WRN: variants seen among roughly 807,000 people sequenced by gnomAD.
The protein encoded by WRN is bifunctional 3'-5' exonuclease/ATP-dependent helicase WRN.
A neutral mutation model predicts 180.7 loss-of-function variants in WRN; 149 were observed. The ratio of observed to expected loss-of-function variants is 0.82; its 90% CI spans 0.72 to 0.94. The LOEUF is 0.94. Among genes scored for constraint, WRN ranks in the 40% least tolerant of loss-of-function variants. The pLI, the probability that WRN is intolerant of heterozygous loss-of-function variation, is 0.00. For missense variants in WRN, 1,661 were observed against 1,700.1 expected (o/e 0.98, Z 0.40); for synonymous variants, 548 against 568.9 (o/e 0.96, Z 0.52).
chr8:31,067,234 A>G, intron 6 of WRN, 52 bp downstream of exon 6: 1 of 1,599,768 alleles, frequency 6.3e-7, no homozygotes, highest in Non-Finnish European at 8.5e-7. Flanking sequence ...AAACATTATT[A>G]TAAATGACTT....
chr8:31,174,279 T>G lies in WRN; in HGVS notation c.*1177T>G, dbSNP rs930763780. Reference sequence around the variant, plus strand: ...TTTTGTGTGTGCATCTGCAATACCCTGTGAATATCCTGTGTGATGGAGTGG... The same window carrying G: ...TTTTGTGTGTGCATCTGCAATACCCGGTGAATATCCTGTGTGATGGAGTGG... On this transcript the variant is annotated 3_prime_UTR_variant, in exon 35 of 35. Coordinates refer to ENST00000298139, the MANE Select transcript of WRN (RefSeq NM_000553.6). Among the ~76,000 whole-genome samples, 3 of 152,252 alleles carry G rather than the reference T, an allele frequency of 2.0e-5. No individual in the cohort carries two copies. The highest frequency in any genetic ancestry group is 6.5e-5 in the Admixed American group (1 of 15,288).
chr8:31,169,123 A>G (rs1332422999), intron 34 of WRN, among the ~76,000 whole-genome samples: 1 of 151,828 alleles, frequency 6.6e-6, no homozygotes, highest in Non-Finnish European at 1.5e-5. Context: ...CTCCTGCTAT[A>G]CATGTATGTT....
intron 7 of WRN, among the ~76,000 whole-genome samples, chr8:31,075,011 T>G (rs1271957196): frequency 5.3e-5 from 8 of 152,124 alleles, no homozygotes; most frequent in Non-Finnish European, 1.2e-4. Flanking sequence ...AGGTCAACGG[T>G]ATGACTATGG....
At chr8:31,062,602 G>A (rs1458067375) in intron 3 of WRN, among the ~76,000 whole-genome samples, 1 of 151,542 alleles carries the variant, frequency 6.6e-6, no homozygotes, top group Non-Finnish European at 1.5e-5. Context: ...TTATAGAGAT[G>A]GGGTTTTTGC....
chr8:31,035,143 A>G (rs941423144), intron 1 of WRN, among the ~76,000 whole-genome samples: 2 of 152,232 alleles, frequency 1.3e-5, no homozygotes, highest in African/African-American at 4.8e-5. Context: ...AGATACCAAC[A>G]ATGAACAAAA....
intron 18 of WRN, among the ~76,000 whole-genome samples, chr8:31,106,893 G>A (rs1025013919): frequency 2.0e-5 from 3 of 152,136 alleles, no homozygotes; most frequent in Non-Finnish European, 2.9e-5. Flanking sequence ...ATAATGGGGT[G>A]AATGAATGAA....
At chr8:31,143,504 GT>G (rs1235017339) in intron 27 of WRN, 45 bp from the exon 28 acceptor site, 2 of 1,360,740 alleles carry the variant, frequency 1.5e-6, no homozygotes, top group Non-Finnish European at 1.0e-6. Flanking sequence ...ACATTTAAAA[GT>G]TTTTTGAAAC....
Position 31,141,738 on chromosome 8 carries a change from A to T in WRN, c.3196A>T (p.Asn1066Tyr), listed in dbSNP as rs760392886. 1 of 1,614,134 alleles carries T rather than the reference A, an allele frequency of 6.2e-7. No homozygotes were observed. The highest frequency in any genetic ancestry group is 1.1e-5 in the South Asian group (1 of 91,080). The change falls in exon 26 of 35, where the codon AAT becomes TAT. Residue 1066 changes from asparagine (N) to tyrosine (Y), a missense_variant. Asn to Tyr is a moderately radical substitution (Grantham distance 143, BLOSUM62 -2). This residue lies in a region of WRN where 1,141 missense variants were observed against 1,149.4 expected (regional missense o/e 0.99). Coordinates refer to ENST00000298139, the MANE Select transcript of WRN (RefSeq NM_000553.6). ...TESQSLILQA[N>Y]EELCPKKLLL... is the part of the protein sequence containing the mutation. The stretch of plus-strand genomic sequence containing the variant: ...ATCTCAGAGCCTCATCCTTCAAGCT[A>T]ATGAAGAATTGTGTCCAAAGAAGTT...
chr8:31,150,845 T>C (rs1803094680), intron 31 of WRN, among the ~76,000 whole-genome samples: 1 of 152,240 alleles, frequency 6.6e-6, no homozygotes, highest in South Asian at 2.1e-4. Context: ...TAGCATCTTC[T>C]CTAATCTCCC....
chr8:31,112,504 C>T (rs1371660054), intron 19 of WRN, among the ~76,000 whole-genome samples: 2 of 151,992 alleles, frequency 1.3e-5, no homozygotes, highest in South Asian at 2.1e-4. Context: ...GGCATTAGTA[C>T]TTTTTTCTGT....
At chr8:31,062,262 G>T (rs2003644) in intron 3 of WRN, among the ~76,000 whole-genome samples, 2,699 of 152,144 alleles carry the variant, frequency 0.018, 141 homozygotes, top group Admixed American at 0.11. Context: ...TATCATGTTG[G>T]CCTGAAGCAG....
intron 11 of WRN, 40 bp downstream of exon 11, chr8:31,085,286 C>T (rs1266239759): frequency 2.5e-6 from 4 of 1,607,002 alleles, no homozygotes; most frequent in East Asian, 2.2e-5. Flanking sequence ...CAAGTTCTTT[C>T]CAAAGGACAT....
chr8:31,058,699 G>C (rs1812370612), intron 2 of WRN, among the ~76,000 whole-genome samples, 156 bp downstream of exon 2: 1 of 152,118 alleles, frequency 6.6e-6, no homozygotes, highest in African/African-American at 2.4e-5. Flanking sequence ...AGGGTAAACT[G>C]GAATAAACTT....
chr8:31,116,411 A>G lies in WRN; in HGVS notation c.2331A>G (p.Thr777=), dbSNP rs375863936. The G allele has an allele frequency of 1.9e-6, 3 of 1,613,924 alleles. No homozygotes were observed. Among genetic ancestry groups the G allele is most frequent in the Non-Finnish European group, 2.5e-6 (3 of 1,179,944 alleles). The change falls in exon 20 of 35, where the codon ACA becomes ACG. Residue 777 remains threonine, a synonymous_variant. Coordinates refer to ENST00000298139, the MANE Select transcript of WRN (RefSeq NM_000553.6). Reference sequence around the variant, plus strand: ...TCTACTGTCCTTCTAGAAAAATGACACAACAAGTTACAGGTGAACTTAGGA... The same window carrying G: ...TCTACTGTCCTTCTAGAAAAATGACGCAACAAGTTACAGGTGAACTTAGGA... The part of the protein sequence containing the change: ...TIIYCPSRKM[T]QQVTGELRKL...
rs1554530271 is a variant in WRN, at chr8:31,130,022, A to AAC, written c.2826-2342_2826-2341insCA. Among the ~76,000 whole-genome samples the AAC allele has an allele frequency of 1.9e-3, 272 of 143,066 alleles. 11 individuals carry two copies. The highest frequency in any genetic ancestry group is 6.9e-3 in the African/African-American group (244 of 35,438). The allele number at this position is 143,066 out of a possible 152,430, so 93.9% of individuals were successfully genotyped here. ...CTTGTCTCAAAAAAAAAACAAAACA[A>AAC]AACAAAAAAAAAAACTAGTAAGAGG... is the stretch of plus-strand genomic sequence containing the variant. On this transcript the variant is annotated intron_variant, in intron 23 of 34. Coordinates refer to ENST00000298139, the MANE Select transcript of WRN (RefSeq NM_000553.6).
chr8:31,145,900 T>C (rs747809543), intron 28 of WRN, among the ~76,000 whole-genome samples: 15 of 152,160 alleles, frequency 9.9e-5, no homozygotes, highest in Non-Finnish European at 2.1e-4. Context: ...CAGAAGTTAA[T>C]TTAAATATAT....
At chr8:31,149,472 T>G (rs76282759) in intron 30 of WRN, among the ~76,000 whole-genome samples, 10,796 of 51,798 alleles carry the variant, frequency 0.21, 721 homozygotes, top group South Asian at 0.33. Flanking sequence ...TTTTTTTTTT[T>G]TTTTTTTTTT....
intron 1 of WRN, among the ~76,000 whole-genome samples, chr8:31,035,042 A>G (rs977575568): frequency 1.3e-5 from 2 of 152,154 alleles, no homozygotes; most frequent in Non-Finnish European, 2.9e-5. Context: ...TTCTTCAGCT[A>G]AAATTTTATT....
chr8:31,159,864 GAACT>G (rs773927538), intron 33 of WRN, among the ~76,000 whole-genome samples: 5 of 149,000 alleles, frequency 3.4e-5, no homozygotes, highest in Non-Finnish European at 5.9e-5. Context: ...AGAATCGCTT[GAACT>G]GGGGAGGCGG....
Sources: gnomAD v4.1 joint callset for allele counts (sites outside exome capture counted in the v4.1 genomes callset) on GRCh38, gnomAD v4.1.1 for gene constraint, gnomAD v4.1.1 regional missense constraint, MANE v1.5 for transcripts, NCBI Gene and HGNC (gene_info 2026-07-23, HGNC 2026-07-21) for gene names.